The following ZC3H3 variants were observed in gnomAD, a reference collection of about 807,000 sequenced individuals.
ZC3H3 encodes the protein zinc finger CCCH domain-containing protein 3.
Under a neutral mutation model 77.3 loss-of-function variants are expected in ZC3H3, and 36 were observed. That is an observed-to-expected ratio of 0.47 (90% CI 0.36 to 0.61). The LOEUF (loss-of-function observed/expected upper bound fraction) is 0.61, where lower values mean the gene tolerates loss of function less well. Ranked by LOEUF, ZC3H3 falls within the 20% of genes least tolerant of loss-of-function variation. ZC3H3 has a pLI of 0.00. For synonymous variants in ZC3H3, 626 were observed against 555.2 expected, an observed-to-expected ratio of 1.13 and a Z score of -1.79; for missense variants, 1,331 against 1,312.2, an observed-to-expected ratio of 1.01 and a Z score of -0.22.
Position 143,536,276 on chromosome 8 carries a change from G to A in ZC3H3, c.1542C>T (p.Ala514=), listed in dbSNP as rs1240427498. 2 of 1,611,416 alleles carry A rather than the reference G, an allele frequency of 1.2e-6. No individual in the cohort carries two copies. The highest frequency in any genetic ancestry group is 1.7e-6 in the Non-Finnish European group (2 of 1,179,660). Residue 514 remains alanine (A), a synonymous_variant, in exon 3 of 12, where the codon GCC becomes GCT. Transcript: ENST00000262577. ...GCATACCTTCCTTGGTGGGGAGGTG[G>A]GCCCGGCTCGGTGGCAGGCGACATA... The part of the protein sequence containing the change: ...HRLCRLPPSR[A]HLPTKEASSL...
Position 143,493,585 on chromosome 8 carries a change from TCAAA to T in ZC3H3, c.1715+14157_1715+14160del, listed in dbSNP as rs796863797. Among the ~76,000 whole-genome samples, 7 of 152,308 alleles carry T rather than the reference TCAAA, an allele frequency of 4.6e-5. No homozygotes were observed. In the South Asian group the frequency reaches 1.0e-3, roughly 23 times the overall value. ...CACAAAGCCGAAAGGCCTGCCTGCC[TCAAA>T]CAAACAGAGAAATAAATAAATAACC... On this transcript the variant is annotated intron_variant, in intron 4 of 11. Transcript: ENST00000262577. This position sits in a 1 kb window ranked among gnomAD's most constrained non-coding sequence, Gnocchi z 4.8.
At chr8:143,463,232 G>T (rs1048541760) in intron 9 of ZC3H3, among the ~76,000 whole-genome samples, 5 of 151,790 alleles carry the variant, frequency 3.3e-5, no homozygotes, top group Admixed American at 6.6e-5. Flanking sequence ...TGATCCACCT[G>T]CCTCGGCCTC....
In ZC3H3 at chr8:143,493,424, C is replaced by G. The variant is rs1821261277; in HGVS notation, c.1715+14322G>C. Among the ~76,000 whole-genome samples, 1 of 152,222 alleles carries G rather than the reference C, an allele frequency of 6.6e-6. No individual in the cohort carries two copies. The highest frequency in any genetic ancestry group is 1.5e-5 in the Non-Finnish European group (1 of 68,024). On this transcript the variant is annotated intron_variant, in intron 4 of 11. Coordinates refer to ENST00000262577, the MANE Select transcript of ZC3H3 (RefSeq NM_015117.3). This position sits in a 1 kb window ranked among gnomAD's most constrained non-coding sequence, Gnocchi z 4.8. ...CAAGACTGGCTTCTCCTCCCTCTTCCCTACCCCAAACCACCAAGGCCGAGG... is the reference window on the plus strand; with the variant it reads ...CAAGACTGGCTTCTCCTCCCTCTTCGCTACCCCAAACCACCAAGGCCGAGG...
intron 4 of ZC3H3, among the ~76,000 whole-genome samples, chr8:143,500,422 C>G (rs1821490069): frequency 6.6e-6 from 1 of 152,256 alleles, no homozygotes; most frequent in Admixed American, 6.5e-5. Flanking sequence ...GGGCCTGGGG[C>G]TGGCTGAGCA....
rs538447082 is a variant in ZC3H3 at position 143,538,543 on chromosome 8, G to A, written c.824C>T (p.Pro275Leu). ...VDAGHTDQPV[P>L]SGSVGGPARP... ...GGCGGGGCCCCCCACTGAGCCAGAC[G>A]GAACTGGCTGATCTGTGTGGCCAGC... The change falls in exon 2 of 12, where the codon CCG becomes CTG. Residue 275 changes from proline to leucine, a missense_variant. Transcript: ENST00000262577. 36 of 1,611,828 alleles carry A rather than the reference G, an allele frequency of 2.2e-5. No homozygotes were observed. The highest frequency in any genetic ancestry group is 2.1e-4 in the African/African-American group (16 of 75,072).
intron 3 of ZC3H3, among the ~76,000 whole-genome samples, chr8:143,522,675 T>G (rs1171221555): frequency 6.6e-6 from 1 of 152,036 alleles, no homozygotes; most frequent in African/African-American, 2.4e-5. Flanking sequence ...TCCCAGCACT[T>G]TGGAAGGCCA....
chr8:143,537,912 A>G, intron 2 of ZC3H3, 91 bp downstream of exon 2: 1 of 1,294,146 alleles, frequency 7.7e-7, no homozygotes, highest in South Asian at 1.4e-5. Context: ...AACTGCAGGC[A>G]AAGCTCCGAG....
At chr8:143,482,272 T>G (rs941437620) in intron 4 of ZC3H3, among the ~76,000 whole-genome samples, 1 of 152,208 alleles carries the variant, frequency 6.6e-6, no homozygotes, top group Non-Finnish European at 1.5e-5. Context: ...TGAGGCCAAG[T>G]GCAGATGTCA....
intron 3 of ZC3H3, among the ~76,000 whole-genome samples, chr8:143,510,368 C>A (rs749578224): frequency 6.6e-6 from 1 of 152,248 alleles, no homozygotes; most frequent in Non-Finnish European, 1.5e-5. Flanking sequence ...GTGTCCCCCA[C>A]GGCCTGGCCC....
At chr8:143,525,935 G>A (rs918439823) in intron 3 of ZC3H3, among the ~76,000 whole-genome samples, 1 of 152,242 alleles carries the variant, frequency 6.6e-6, no homozygotes, top group African/African-American at 2.4e-5. Context: ...CCTGCCGTCC[G>A]CCTGGGCCTG....
At chr8:143,438,207 G>C (rs775335904) in intron 11 of ZC3H3, 120 bp from the exon 12 acceptor site, 10 of 1,285,986 alleles carry the variant, frequency 7.8e-6, no homozygotes, top group Non-Finnish European at 9.9e-6. Context: ...CACACAGCAA[G>C]GTCTGCAGAG....
chr8:143,519,890 G>A (rs1822186036), intron 3 of ZC3H3, among the ~76,000 whole-genome samples: 1 of 152,186 alleles, frequency 6.6e-6, no homozygotes, highest in African/African-American at 2.4e-5. Flanking sequence ...CCACGGCCCA[G>A]CACCTCTGAG....
At chr8:143,449,684 G>A (rs1407764781) in intron 9 of ZC3H3, among the ~76,000 whole-genome samples, 1 of 152,172 alleles carries the variant, frequency 6.6e-6, no homozygotes, top group African/African-American at 2.4e-5. Flanking sequence ...GTTGCAGTGA[G>A]CTGAGATTGC....
rs1821279085 is a variant in ZC3H3 at position 143,494,060 on chromosome 8, C to T, written c.1715+13686G>A. Among the ~76,000 whole-genome samples the T allele has an allele frequency of 6.6e-6, 1 of 152,232 alleles. No individual in the cohort carries two copies. The highest frequency in any genetic ancestry group is 2.4e-5 in the African/African-American group (1 of 41,458). ...TCTAAAAAACCTGCCGGAGTCCTGC[C>T]TCAGCAGCACGTGGGGAAGCCTGGG... On this transcript the variant is annotated intron_variant, in intron 4 of 11. Transcript: ENST00000262577. The surrounding 1 kb of genome is among the most constrained non-coding windows in gnomAD (Gnocchi z 5.3).
At chr8:143,479,731 A>G (rs953085709) in intron 4 of ZC3H3, among the ~76,000 whole-genome samples, 1 of 152,192 alleles carries the variant, frequency 6.6e-6, no homozygotes, top group African/African-American at 2.4e-5. Context: ...AGAAGTGACA[A>G]TGCCCCAGGA....
At position 143,446,418 on chromosome 8, in the gene ZC3H3, A is replaced by G. The variant is rs114396887; in HGVS notation, c.2308-5298T>C. Among the ~76,000 whole-genome samples, 965 of 152,356 alleles carry G rather than the reference A, an allele frequency of 6.3e-3. 13 individuals carry two copies. Among genetic ancestry groups the G allele is most frequent in the African/African-American group, 0.022 (932 of 41,582 alleles). On this transcript the variant is annotated intron_variant, in intron 9 of 11. Coordinates refer to ENST00000262577, the MANE Select transcript of ZC3H3 (RefSeq NM_015117.3). The stretch of plus-strand genomic sequence containing the variant: ...TGTGACTAACAGATTAAAGTCCAGG[A>G]CATTATATGTATTTTTATGTTTGTT...
rs1331718099 is a variant in ZC3H3 at position 143,493,864 on chromosome 8, G to A, written c.1715+13882C>T. Among the ~76,000 whole-genome samples, 1 of 152,182 alleles carries A rather than the reference G, an allele frequency of 6.6e-6. No individual in the cohort carries two copies. The highest frequency in any genetic ancestry group is 2.4e-5 in the African/African-American group (1 of 41,426). On this transcript the variant is annotated intron_variant, in intron 4 of 11. Transcript: ENST00000262577. The surrounding 1 kb of genome is among the most constrained non-coding windows in gnomAD (Gnocchi z 4.8). ...TGGTTTAAATTGAAAACCCCCAACTGAATCAATATTTACTGCATTGAAACG... is the reference window on the plus strand; with the variant it reads ...TGGTTTAAATTGAAAACCCCCAACTAAATCAATATTTACTGCATTGAAACG...
intron 8 of ZC3H3, among the ~76,000 whole-genome samples, chr8:143,467,463 G>A (rs73715605): frequency 0.05 from 7,577 of 152,256 alleles, 611 homozygotes; most frequent in African/African-American, 0.17. Context: ...ACAGAGTTCC[G>A]AAGCTCTATT....
At chr8:143,519,574 G>A (rs1266516301) in intron 3 of ZC3H3, among the ~76,000 whole-genome samples, 1 of 152,216 alleles carries the variant, frequency 6.6e-6, no homozygotes, top group Non-Finnish European at 1.5e-5. Context: ...CGGCAGGCAG[G>A]ATCTGACCAG....
Sources: allele counts gnomAD v4.1 joint callset (sites outside exome capture counted in the v4.1 genomes callset), GRCh38; gene constraint gnomAD v4.1.1; non-coding constraint Gnocchi (gnomAD v3.1); transcripts MANE v1.5; gene names NCBI Gene and HGNC (gene_info 2026-07-23, HGNC 2026-07-21).